The following LARGE1 variants were observed in gnomAD, a reference collection of about 807,000 sequenced individuals.
LARGE1 encodes xylosyl- and glucuronyltransferase LARGE1.
A neutral mutation model predicts 87.6 loss-of-function variants in LARGE1; 43 were observed. The ratio of observed to expected loss-of-function variants is 0.49; its 90% confidence interval spans 0.38 to 0.63. LARGE1 has a LOEUF of 0.63. Ranked by LOEUF, LARGE1 falls within the 30% of genes least tolerant of loss-of-function variation. The pLI is 0.00. For synonymous variants in LARGE1, 434 were observed against 394.6 expected (o/e 1.10, Z -1.18); for missense variants, 802 against 1,000.2 (o/e 0.80, Z 2.67).
intron 7 of LARGE1, among the ~76,000 whole-genome samples, chr22:33,415,540 G>A (rs2066457018): frequency 1.3e-5 from 2 of 152,298 alleles, no homozygotes; most frequent in South Asian, 4.1e-4. Flanking sequence ...CAAGCGATGG[G>A]AAATCTTGCC....
At chr22:33,522,440 C>T (rs184924498) in intron 6 of LARGE1, among the ~76,000 whole-genome samples, 3 of 152,164 alleles carry the variant, frequency 2.0e-5, no homozygotes, top group African/African-American at 7.2e-5. Flanking sequence ...TGCCTGTAAT[C>T]CCAGCACTGT....
intron 13 of LARGE1, among the ~76,000 whole-genome samples, chr22:33,278,520 C>G (rs1218075729): frequency 6.6e-6 from 1 of 151,802 alleles, no homozygotes; most frequent in Non-Finnish European, 1.5e-5. Flanking sequence ...TAACCACTTA[C>G]TGTGTACTGG....
chr22:33,356,446 A>C (rs145762633), intron 9 of LARGE1, among the ~76,000 whole-genome samples: 11,529 of 152,208 alleles, frequency 0.076, 514 homozygotes, highest in South Asian at 0.14. Flanking sequence ...CAAGGTGTTT[A>C]ACCTTTGTGT....
intron 2 of LARGE1, among the ~76,000 whole-genome samples, chr22:33,666,326 AGAAAG>A (rs1448643908): frequency 6.6e-6 from 1 of 152,228 alleles, no homozygotes; most frequent in Admixed American, 6.5e-5. Context: ...TGGATGCAGA[AGAAAG>A]GAAAGAAGAA....
At chr22:33,775,894 G>C (rs1231539526) in intron 1 of LARGE1, among the ~76,000 whole-genome samples, 1 of 148,966 alleles carries the variant, frequency 6.7e-6, no homozygotes, top group Non-Finnish European at 1.5e-5. Flanking sequence ...GATGCTACCA[G>C]CATCGGGTGG....
In LARGE1 at chr22:33,702,212, G is replaced by A. The variant is rs146969832; in HGVS notation, c.107-51544C>T. Among the ~76,000 whole-genome samples, 13 of 152,242 alleles carry A rather than the reference G, an allele frequency of 8.5e-5. No homozygotes were observed. The East Asian group carries it at 2.5e-3, about 29-fold the overall frequency. On this transcript the variant is annotated intron_variant, in intron 2 of 14. Transcript: ENST00000397394. Reference sequence around the variant, plus strand: ...ATTACATGCACTAAGACCTTGCATGGGTGCAGACACATAGTAGGCATTCAA... The same window carrying A: ...ATTACATGCACTAAGACCTTGCATGAGTGCAGACACATAGTAGGCATTCAA...
chr22:33,860,177 A>G (rs1330069502), intron 1 of LARGE1, among the ~76,000 whole-genome samples: 2 of 152,146 alleles, frequency 1.3e-5, no homozygotes, highest in East Asian at 3.9e-4. Context: ...TTTTTTGTAC[A>G]GACAGGGTCT....
chr22:33,347,764 A>T (rs914478662), intron 9 of LARGE1, among the ~76,000 whole-genome samples: 2 of 152,312 alleles, frequency 1.3e-5, no homozygotes, highest in Middle Eastern at 3.4e-3. Flanking sequence ...TCACAGAGAC[A>T]GCCCCTCATC....
At chr22:33,615,203 T>G (rs1265042082) in intron 4 of LARGE1, among the ~76,000 whole-genome samples, 2 of 152,216 alleles carry the variant, frequency 1.3e-5, no homozygotes, top group Non-Finnish European at 2.9e-5. Flanking sequence ...CTAGATTTTT[T>G]TTTTTACAGC....
In LARGE1 at chr22:33,884,944, T is replaced by TG. The variant is rs201202143; in HGVS notation, c.-83+35050dup. 6.3e-3 allele frequency among the ~76,000 whole-genome samples: 964 copies of TG among 152,220 alleles called. 4 individuals carry two copies. The highest frequency in any genetic ancestry group is 9.8e-3 in the Non-Finnish European group (663 of 67,994). ...GCACATGTATTTGTGAGGCTTTCCA[T>TG]GGGGGGGAGGAATTAATAAAAGGGC... On this transcript the variant is annotated intron_variant, in intron 1 of 14. Coordinates refer to ENST00000397394, the MANE Select transcript of LARGE1 (RefSeq NM_133642.5).
chr22:33,615,770 T>C (rs952028311), intron 4 of LARGE1, among the ~76,000 whole-genome samples: 1 of 151,914 alleles, frequency 6.6e-6, no homozygotes. Context: ...AAGCATATAT[T>C]TGATAAGCAA....
chr22:33,824,460 AG>A (rs1449990683), intron 1 of LARGE1, among the ~76,000 whole-genome samples: 2 of 152,192 alleles, frequency 1.3e-5, no homozygotes, highest in African/African-American at 4.8e-5. Context: ...GAGAACAGCA[AG>A]GGGGAAGTCC....
At chr22:33,465,484 G>A (rs1249875834) in intron 6 of LARGE1, among the ~76,000 whole-genome samples, 1 of 152,172 alleles carries the variant, frequency 6.6e-6, no homozygotes, top group African/African-American at 2.4e-5. Flanking sequence ...ATATGCCATA[G>A]ATTTCACATA....
chr22:33,216,140 G>T (rs116907235), intron 11 of LARGE1, among the ~76,000 whole-genome samples: 2,513 of 152,134 alleles, frequency 0.017, 30 homozygotes, highest in Non-Finnish European at 0.026. Flanking sequence ...GCTCTGTCAC[G>T]TGCTAAATGT....
At chr22:33,181,246 G>A (rs1047128630) in intron 11 of LARGE1, among the ~76,000 whole-genome samples, 1 of 152,102 alleles carries the variant, frequency 6.6e-6, no homozygotes, top group Non-Finnish European at 1.5e-5. Flanking sequence ...TTATGAAGAA[G>A]AGGTCCAATC....
chr22:33,713,061 G>A (rs1248434432), intron 2 of LARGE1, among the ~76,000 whole-genome samples: 17 of 152,164 alleles, frequency 1.1e-4, no homozygotes, highest in Admixed American at 1.1e-3. Flanking sequence ...CTGAAGGGCT[G>A]AGATGTGCTA....
chr22:33,782,122 T>C (rs1361178060), intron 1 of LARGE1, among the ~76,000 whole-genome samples: 1 of 152,232 alleles, frequency 6.6e-6, no homozygotes, highest in African/African-American at 2.4e-5. Context: ...GAATTAAGTC[T>C]GGAGTCCGAG....
At chr22:33,901,811 G>T (rs752721283) in intron 1 of LARGE1, among the ~76,000 whole-genome samples, 3 of 152,170 alleles carry the variant, frequency 2.0e-5, no homozygotes. Context: ...TAACCACATC[G>T]TATAGCAAAT....
intron 1 of LARGE1, among the ~76,000 whole-genome samples, chr22:33,913,463 G>A (rs534882137): frequency 6.6e-6 from 1 of 152,306 alleles, no homozygotes; most frequent in East Asian, 1.9e-4. Context: ...ACTGCTTTCT[G>A]CAATACAGTT....
Sources: gnomAD v4.1 joint callset for allele counts (sites outside exome capture counted in the v4.1 genomes callset) on GRCh38, gnomAD v4.1.1 for gene constraint, MANE v1.5 for transcripts, NCBI Gene and HGNC (gene_info 2026-07-23, HGNC 2026-07-21) for gene names.